RORA: variants seen among roughly 807,000 people sequenced by gnomAD.
RORA encodes RAR related orphan receptor A.
RORA carries 7 observed loss-of-function variants against 69.5 expected under a neutral mutation model. The ratio of observed to expected loss-of-function variants is 0.10; its 90% CI spans 0.06 to 0.19. The LOEUF (loss-of-function observed/expected upper bound fraction) is 0.19. RORA is among the 10% of genes least tolerant of loss of function. The pLI is 1.00. For missense variants in RORA, 457 were observed against 663.0 expected (o/e 0.69, Z 3.41); for synonymous variants, 261 against 240.8 (o/e 1.08, Z -0.78).
chr15:60,610,350 C>A (rs528849720), intron 2 of RORA, among the ~76,000 whole-genome samples: 2 of 152,110 alleles, frequency 1.3e-5, no homozygotes, highest in Admixed American at 6.5e-5. Flanking sequence ...AAAGAACAGA[C>A]GCAGGTTTCA....
chr15:60,507,645 A>G (rs544138951), intron 5 of RORA, among the ~76,000 whole-genome samples: 1 of 152,336 alleles, frequency 6.6e-6, no homozygotes, highest in African/African-American at 2.4e-5. Flanking sequence ...AATGGGGAGT[A>G]AGAAACAAGA....
chr15:61,186,852 T>C (rs970999659), intron 1 of RORA, among the ~76,000 whole-genome samples: 5 of 152,168 alleles, frequency 3.3e-5, no homozygotes, highest in South Asian at 2.1e-4. Context: ...GGGCTCACTC[T>C]GTCTGGAGTC....
At chr15:61,167,161 T>C (rs2079545371) in intron 1 of RORA, among the ~76,000 whole-genome samples, 1 of 152,210 alleles carries the variant, frequency 6.6e-6, no homozygotes, top group South Asian at 2.1e-4. Context: ...AGAGCTTCTG[T>C]AAAAATCACT....
intron 1 of RORA, among the ~76,000 whole-genome samples, chr15:60,682,846 G>C (rs1480188391): frequency 6.6e-6 from 1 of 152,238 alleles, no homozygotes; most frequent in Admixed American, 6.5e-5. Flanking sequence ...GCTCTCTACA[G>C]AGATAGGGAC....
intron 1 of RORA, among the ~76,000 whole-genome samples, chr15:61,098,657 T>C (rs1304290131): frequency 2.0e-5 from 3 of 152,200 alleles, no homozygotes; most frequent in Non-Finnish European, 4.4e-5. Context: ...ATTCTTAACA[T>C]CAAGCTGTAA....
chr15:60,855,610 T>TTTTATTTATTTATTTATTTATTTATTTA (rs56303340), intron 1 of RORA, among the ~76,000 whole-genome samples: 47 of 152,010 alleles, frequency 3.1e-4, no homozygotes, highest in African/African-American at 9.9e-4. Context: ...CAGTGTTTGC[T>TTTTATTTATTTATTTATTTATTTATTTA]TTTATTTATT....
chr15:61,207,082 G>A (rs376067928), intron 1 of RORA, among the ~76,000 whole-genome samples: 2 of 151,508 alleles, frequency 1.3e-5, no homozygotes, highest in African/African-American at 2.4e-5. Flanking sequence ...ATACGTGTGT[G>A]TATATATATA....
intron 2 of RORA, among the ~76,000 whole-genome samples, chr15:60,557,319 T>C (rs2067396178): frequency 6.6e-6 from 1 of 152,198 alleles, no homozygotes; most frequent in Non-Finnish European, 1.5e-5. Context: ...ATCGGAGAAC[T>C]AGAGAGTGAG....
intron 1 of RORA, among the ~76,000 whole-genome samples, chr15:61,024,330 C>A (rs1895690917): frequency 6.9e-6 from 1 of 143,986 alleles, no homozygotes; most frequent in South Asian, 2.2e-4. Flanking sequence ...AGTGCCCACG[C>A]TGGAGTGCAG....
chr15:60,667,889 C>T (rs1344974978), intron 2 of RORA, among the ~76,000 whole-genome samples: 1 of 151,848 alleles, frequency 6.6e-6, no homozygotes, highest in African/African-American at 2.4e-5. Context: ...TCCCAAAGTG[C>T]TGGGTTTACA....
In RORA at chr15:61,121,109, C is replaced by G. The variant is rs557382977; in HGVS notation, c.166+107944G>C. ...AGGTGAACCACCCGCCTCAGCCTCC[C>G]AAAGTGCTGGGGTTACAGACGTGGG... is the stretch of plus-strand genomic sequence containing the variant. On this transcript the variant is annotated intron_variant, in intron 1 of 10. Coordinates refer to ENST00000335670, the MANE Select transcript of RORA (RefSeq NM_134261.3). Among the ~76,000 whole-genome samples the G allele has an allele frequency of 2.6e-5, 4 of 152,254 alleles. No individual in the cohort carries two copies. In the South Asian group the frequency reaches 8.3e-4, roughly 32 times the overall value.
chr15:60,510,873 A>ATTTTTT (rs113383793), intron 5 of RORA, among the ~76,000 whole-genome samples: 1 of 147,982 alleles, frequency 6.8e-6, no homozygotes. Context: ...GTGGACTGCC[A>ATTTTTT]TTTTTTTTTT....
intron 1 of RORA, among the ~76,000 whole-genome samples, chr15:60,970,620 T>C (rs185890988): frequency 1.3e-5 from 2 of 152,232 alleles, no homozygotes; most frequent in African/African-American, 2.4e-5. Context: ...TTTCACAGCA[T>C]TGGGCTGCTG....
At chr15:60,867,857 G>C (rs2073507896) in intron 1 of RORA, among the ~76,000 whole-genome samples, 1 of 152,042 alleles carries the variant, frequency 6.6e-6, no homozygotes, top group Admixed American at 6.6e-5. Flanking sequence ...TGGTTGCCAG[G>C]AAGTCCAGGT....
Position 60,559,128 on chromosome 15 carries a change from G to A in RORA, c.197-27277C>T, listed in dbSNP as rs190910558. On this transcript the variant is annotated intron_variant, in intron 2 of 10. Coordinates refer to ENST00000335670, the MANE Select transcript of RORA (RefSeq NM_134261.3). ...AATATTACACATCAAAGTGTAATAC[G>A]AAATAAAGAGTATTTTACTCTTCTC... is the stretch of plus-strand genomic sequence containing the variant. Among the ~76,000 whole-genome samples the A allele has an allele frequency of 3.9e-3, 587 of 150,874 alleles. 4 individuals carry two copies. The highest frequency in any genetic ancestry group is 0.013 in the African/African-American group (517 of 40,950).
intron 1 of RORA, among the ~76,000 whole-genome samples, chr15:61,156,880 C>T (rs1257550763): frequency 6.6e-6 from 1 of 152,128 alleles, no homozygotes; most frequent in Admixed American, 6.5e-5. Context: ...AGTGCAGATT[C>T]AGCCCAATAC....
chr15:60,597,537 ACAC>A (rs2068695760), intron 2 of RORA, among the ~76,000 whole-genome samples: 1 of 92,524 alleles, frequency 1.1e-5, no homozygotes, highest in Non-Finnish European at 2.1e-5. Flanking sequence ...ACACACACAC[ACAC>A]ACACACACAA....
chr15:60,934,738 A>G (rs1892471414), intron 1 of RORA, among the ~76,000 whole-genome samples: 1 of 152,210 alleles, frequency 6.6e-6, no homozygotes, highest in Admixed American at 6.5e-5. Flanking sequence ...GGCTACTCCA[A>G]AGAAAGGCAA....
chr15:60,601,898 A>C (rs2068820246), intron 2 of RORA, among the ~76,000 whole-genome samples: 1 of 152,116 alleles, frequency 6.6e-6, no homozygotes, highest in Non-Finnish European at 1.5e-5. Context: ...TCTTAAGTAA[A>C]ATATTAGTAA....
Sources: gnomAD v4.1 joint callset for allele counts (sites outside exome capture counted in the v4.1 genomes callset) on GRCh38, gnomAD v4.1.1 for gene constraint, MANE v1.5 for transcripts, NCBI Gene and HGNC (gene_info 2026-07-23, HGNC 2026-07-21) for gene names.